ERC2: variants seen among roughly 807,000 people sequenced by gnomAD.
ERC2 encodes ELKS/RAB6-interacting/CAST family member 2.
In ERC2, 42 loss-of-function variants were observed where a neutral mutation model predicts 114.8. The ratio of observed to expected loss-of-function variants is 0.37; its 90% CI spans 0.29 to 0.47. ERC2 has a LOEUF of 0.47. Ranked by LOEUF, ERC2 falls within the 20% of genes least tolerant of loss-of-function variation. The pLI is 0.99. For synonymous variants in ERC2, 454 were observed against 425.5 expected (o/e 1.07, Z -0.82); for missense variants, 939 against 1,150.7 (o/e 0.82, Z 2.66).
intron 7 of ERC2, among the ~76,000 whole-genome samples, chr3:56,070,355 G>A (rs1406148827): frequency 6.6e-6 from 1 of 152,142 alleles, no homozygotes; most frequent in Admixed American, 6.6e-5. Flanking sequence ...TGGATTGACA[G>A]ATGTGTCAAG....
chr3:56,233,717 G>A (rs1274509882), intron 3 of ERC2, among the ~76,000 whole-genome samples: 1 of 152,134 alleles, frequency 6.6e-6, no homozygotes, highest in Non-Finnish European at 1.5e-5. Flanking sequence ...CAACAGGGCT[G>A]CATTCCTTGT....
chr3:56,096,518 A>T (rs1180115944), intron 6 of ERC2, among the ~76,000 whole-genome samples: 2 of 152,216 alleles, frequency 1.3e-5, no homozygotes, highest in Non-Finnish European at 2.9e-5. Context: ...AAGCAAAAAA[A>T]GGGTGAATGT....
chr3:56,087,886 G>A (rs928697684), intron 6 of ERC2, among the ~76,000 whole-genome samples: 4 of 152,066 alleles, frequency 2.6e-5, no homozygotes, highest in African/African-American at 7.2e-5. Context: ...TTGGAAGTAC[G>A]CATAATGTAC....
intron 3 of ERC2, among the ~76,000 whole-genome samples, chr3:56,175,123 GT>G (rs1331498593): frequency 6.6e-6 from 1 of 152,186 alleles, no homozygotes; most frequent in Non-Finnish European, 1.5e-5. Context: ...ATATTTGCCA[GT>G]GGCCCAAGAA....
At chr3:56,353,688 G>A (rs1007052501) in intron 2 of ERC2, among the ~76,000 whole-genome samples, 5 of 150,684 alleles carry the variant, frequency 3.3e-5, no homozygotes, top group African/African-American at 1.2e-4. Context: ...ATAGCATTAG[G>A]AGGTATACCT....
intron 2 of ERC2, among the ~76,000 whole-genome samples, chr3:56,315,648 C>CA (rs1262053744): frequency 6.6e-6 from 1 of 151,824 alleles, no homozygotes; most frequent in Non-Finnish European, 1.5e-5. Flanking sequence ...GAAATTTCTC[C>CA]AAAAGTACAG....
At chr3:55,776,285 C>T (rs1319670696) in intron 14 of ERC2, among the ~76,000 whole-genome samples, 2 of 151,980 alleles carry the variant, frequency 1.3e-5, no homozygotes, top group Non-Finnish European at 2.9e-5. Flanking sequence ...GTCTGCACAC[C>T]ATGGAGAGAA....
intron 17 of ERC2, among the ~76,000 whole-genome samples, chr3:55,662,766 A>G (rs972110569): frequency 2.6e-4 from 39 of 152,212 alleles, no homozygotes; most frequent in African/African-American, 8.7e-4. Context: ...TTATCTATCA[A>G]TGGGACTTGA....
intron 2 of ERC2, among the ~76,000 whole-genome samples, chr3:56,309,092 A>G (rs935866587): frequency 2.6e-5 from 4 of 152,228 alleles, no homozygotes; most frequent in African/African-American, 9.6e-5. Flanking sequence ...ATGTGGCCCC[A>G]GTGTGTGGTG....
chr3:55,701,514 T>A (rs1559519888), intron 15 of ERC2, among the ~76,000 whole-genome samples: 1 of 152,036 alleles, frequency 6.6e-6, no homozygotes, highest in Non-Finnish European at 1.5e-5. Flanking sequence ...TTTAAAAATG[T>A]GTACAATATT....
At chr3:55,731,168 C>T (rs1278387652) in intron 15 of ERC2, among the ~76,000 whole-genome samples, 1 of 151,362 alleles carries the variant, frequency 6.6e-6, no homozygotes, top group Non-Finnish European at 1.5e-5. Context: ...TGTCTGCTCA[C>T]TGCTCCACAA....
intron 14 of ERC2, among the ~76,000 whole-genome samples, chr3:55,879,095 C>T (rs369712027): frequency 8.1e-3 from 151 of 18,548 alleles, no homozygotes; most frequent in African/African-American, 9.3e-3. Context: ...TTTTCTTTTT[C>T]TTAATTTTTT....
In ERC2 at chr3:56,097,340, T is replaced by C. The variant is rs79826750; in HGVS notation, c.1474-16356A>G. ...ATTAGAGTCAACCTACATATACTTA[T>C]TGCTCACTTTTTTTTTTCTTAAAGG... On this transcript the variant is annotated intron_variant, in intron 6 of 17. Coordinates refer to ENST00000288221, the MANE Select transcript of ERC2 (RefSeq NM_015576.3). Among the ~76,000 whole-genome samples the C allele has an allele frequency of 8.8e-3, 1,346 of 152,292 alleles. 17 individuals are homozygous for C. Among genetic ancestry groups the C allele is most frequent in the African/African-American group, 0.031 (1,269 of 41,564 alleles).
chr3:56,064,655 T>C (rs1171386834), intron 7 of ERC2, among the ~76,000 whole-genome samples: 1 of 152,176 alleles, frequency 6.6e-6, no homozygotes, highest in East Asian at 1.9e-4. Context: ...GTAAATATAG[T>C]CTGGAAAAGA....
At chr3:56,197,380 G>A (rs1440348269) in intron 3 of ERC2, among the ~76,000 whole-genome samples, 1 of 152,226 alleles carries the variant, frequency 6.6e-6, no homozygotes, top group Non-Finnish European at 1.5e-5. Flanking sequence ...GCCTACCATA[G>A]CAAACACTTA....
At position 56,296,326 on chromosome 3, in the gene ERC2, A is replaced by C; in HGVS notation, c.767T>G (p.Ile256Ser). 1.2e-6 allele frequency: 2 copies of C among 1,613,980 alleles called. No homozygotes were observed. Among genetic ancestry groups the C allele is most frequent in the Non-Finnish European group, 1.7e-6 (2 of 1,179,880 alleles). The change falls in exon 3 of 18, where the codon ATC (isoleucine) becomes AGC (serine). Residue 256 changes from isoleucine to serine, a missense_variant. Ile to Ser is a moderately radical substitution (Grantham distance 142). Around this residue, in one of 5 missense-constraint regions of ERC2, gnomAD observed 33 missense variants for 75.6 expected, o/e 0.44. Coordinates refer to ENST00000288221, the MANE Select transcript of ERC2 (RefSeq NM_015576.3). ...CCTAAAGTTCTCCTCGGTCAGCTCG[A>C]TGGTGAAGTGCTCCGCTCCTCGGTT... ...SGNRGAEHFT[I>S]ELTEENFRRL...
At chr3:56,432,682 T>C (rs2061844376) in intron 2 of ERC2, among the ~76,000 whole-genome samples, 2 of 151,814 alleles carry the variant, frequency 1.3e-5, no homozygotes, top group Admixed American at 6.6e-5. Context: ...TCCAAAGGAG[T>C]GGTAGCCAGG....
chr3:56,024,815 T>C (rs944316189), intron 7 of ERC2, among the ~76,000 whole-genome samples: 10 of 152,240 alleles, frequency 6.6e-5, no homozygotes, highest in African/African-American at 2.4e-4. Context: ...CTCAAGTTCC[T>C]ACAGGCTGAC....
intron 2 of ERC2, among the ~76,000 whole-genome samples, chr3:56,305,116 A>G (rs557441640): frequency 1.3e-5 from 2 of 152,108 alleles, no homozygotes; most frequent in Non-Finnish European, 2.9e-5. Context: ...TATTAAAAAT[A>G]AGAAAGTTAT....
Sources: allele counts gnomAD v4.1 joint callset (sites outside exome capture counted in the v4.1 genomes callset), GRCh38; gene constraint gnomAD v4.1.1; regional missense constraint gnomAD v4.1.1; transcripts MANE v1.5; gene names NCBI Gene and HGNC (gene_info 2026-07-23, HGNC 2026-07-21).